PCBD2: variants seen among roughly 807,000 people sequenced by gnomAD.
The protein encoded by PCBD2 is pterin-4 alpha-carbinolamine dehydratase 2, also known as pterin-4-alpha-carbinolamine dehydratase 2.
In PCBD2, 12 loss-of-function variants were observed where a neutral mutation model predicts 16.4. The ratio of observed to expected loss-of-function variants is 0.73; its 90% CI spans 0.47 to 1.19. The LOEUF is 1.19. Among genes scored for constraint, PCBD2 ranks in the 50% most tolerant of loss-of-function variants. The pLI, the probability that PCBD2 is intolerant of heterozygous loss-of-function variation, is 0.00. For missense variants in PCBD2, 138 were observed against 156.8 expected (o/e 0.88, Z 0.64); for synonymous variants, 58 against 61.8 (o/e 0.94, Z 0.29).
intron 2 of PCBD2, chr5:134,927,249 A>AG: frequency 2.5e-6 from 1 of 398,516 alleles, no homozygotes; most frequent in Admixed American, 4.4e-5. Context: ...CAGGGATAGT[A>AG]CAAGGAAGGG....
intron 2 of PCBD2, among the ~76,000 whole-genome samples, chr5:134,933,888 G>T (rs1751126698): frequency 6.6e-6 from 1 of 152,192 alleles, no homozygotes; most frequent in Non-Finnish European, 1.5e-5. Context: ...GAAGGAAAAT[G>T]TTATGTTATA....
chr5:134,947,082 A>G (rs1174855005), intron 2 of PCBD2, among the ~76,000 whole-genome samples: 1 of 151,916 alleles, frequency 6.6e-6, no homozygotes, highest in Non-Finnish European at 1.5e-5. Flanking sequence ...TTTGCATGCT[A>G]TTAAAAAAAA....
chr5:134,940,554 A>G (rs951827615), intron 2 of PCBD2, among the ~76,000 whole-genome samples: 1 of 152,192 alleles, frequency 6.6e-6, no homozygotes, highest in African/African-American at 2.4e-5. Flanking sequence ...TGCTTGAGGT[A>G]AGATTAGGCA....
At chr5:134,926,259 G>C in intron 2 of PCBD2, 2 of 336,686 alleles carry the variant, frequency 5.9e-6, no homozygotes, top group Non-Finnish European at 1.1e-5. Flanking sequence ...TTGTTGCCCA[G>C]TGTCAGTTTG....
At chr5:134,924,881 C>T (rs567973789) in intron 2 of PCBD2, 181 of 389,702 alleles carry the variant, frequency 4.6e-4, no homozygotes, top group Non-Finnish European at 7.0e-4. Context: ...GGGTAAAATC[C>T]GAGTATATTA....
chr5:134,945,244 C>A (rs549781438), intron 2 of PCBD2, among the ~76,000 whole-genome samples: 42 of 152,250 alleles, frequency 2.8e-4, no homozygotes, highest in African/African-American at 1.0e-3. Flanking sequence ...CATGACTTTC[C>A]TCTGATGGGA....
chr5:134,944,325 T>C (rs538821144), intron 2 of PCBD2, among the ~76,000 whole-genome samples: 1 of 152,304 alleles, frequency 6.6e-6, no homozygotes, highest in South Asian at 2.1e-4. Flanking sequence ...ATGAACATGG[T>C]CAATGCCATA....
chr5:134,948,819 C>G (rs1481933449), intron 2 of PCBD2, among the ~76,000 whole-genome samples: 2 of 151,692 alleles, frequency 1.3e-5, no homozygotes, highest in Non-Finnish European at 2.9e-5. Context: ...AGGTGTTGAC[C>G]TGTTCAGTGA....
intron 2 of PCBD2, among the ~76,000 whole-genome samples, chr5:134,920,691 T>C (rs982401417): frequency 4.0e-5 from 6 of 151,868 alleles, no homozygotes; most frequent in African/African-American, 1.5e-4. Context: ...AGTCTCGCTC[T>C]GTCGGCTAGG....
At chr5:134,923,254 A>G (rs947228344) in intron 2 of PCBD2, 1 of 153,482 alleles carries the variant, frequency 6.5e-6, no homozygotes, top group Admixed American at 6.5e-5. Context: ...TGTGAGAGAG[A>G]ATAATGGGAA....
intron 2 of PCBD2, among the ~76,000 whole-genome samples, chr5:134,933,820 A>G (rs933659138): frequency 6.6e-6 from 1 of 152,158 alleles, no homozygotes; most frequent in Non-Finnish European, 1.5e-5. Flanking sequence ...CATCACCTAG[A>G]TAGAATTGAT....
intron 1 of PCBD2, chr5:134,905,504 G>T: frequency 3.1e-6 from 1 of 327,472 alleles, no homozygotes; most frequent in Non-Finnish European, 5.5e-6. Flanking sequence ...ATTTTGTTCA[G>T]CAACTACAAA....
chr5:134,907,463 G>A (rs895612170), intron 1 of PCBD2, among the ~76,000 whole-genome samples: 22 of 151,808 alleles, frequency 1.4e-4, no homozygotes, highest in Admixed American at 7.2e-4. Context: ...GGCTGGCCTC[G>A]AACTCCTGAC....
intron 1 of PCBD2, among the ~76,000 whole-genome samples, chr5:134,907,396 A>G (rs982139414): frequency 1.3e-5 from 2 of 152,056 alleles, no homozygotes; most frequent in African/African-American, 4.8e-5. Flanking sequence ...GGCGCGTGCC[A>G]CCACGCTTGG....
At chr5:134,924,983 C>T (rs760606075) in intron 2 of PCBD2, 3 of 392,770 alleles carry the variant, frequency 7.6e-6, no homozygotes, top group Admixed American at 4.4e-5. Context: ...AGGGAAGTGA[C>T]GCCTAGGGCT....
chr5:134,925,498 T>C, intron 2 of PCBD2: 1 of 398,508 alleles, frequency 2.5e-6, no homozygotes, highest in Non-Finnish European at 4.4e-6. Context: ...TAGGTGTGGT[T>C]GGTTGATGCC....
At chr5:134,920,889 C>A (rs1181447851) in intron 2 of PCBD2, among the ~76,000 whole-genome samples, 2 of 152,264 alleles carry the variant, frequency 1.3e-5, no homozygotes, top group African/African-American at 4.8e-5. Context: ...TGTACTTGAA[C>A]TCCTGAGCTC....
chr5:134,919,590 G>A (rs772982297), intron 2 of PCBD2, among the ~76,000 whole-genome samples: 1 of 152,156 alleles, frequency 6.6e-6, no homozygotes, highest in South Asian at 2.1e-4. Context: ...GGTCACAAAT[G>A]GGTTGCTTTA....
At position 134,906,439 on chromosome 5, in the gene PCBD2, C is replaced by T. The variant is rs185421679; in HGVS notation, c.84+1216C>T. 3.2e-4 allele frequency among the ~76,000 whole-genome samples: 49 copies of T among 151,398 alleles called. No homozygotes were observed. In the East Asian group the frequency reaches 9.0e-3, roughly 28 times the overall value. On this transcript the variant is annotated intron_variant, in intron 1 of 3. Coordinates refer to ENST00000254908, the MANE Select transcript of PCBD2 (RefSeq NM_032151.5). ...CAGGATGGTCTCGATCTCCTGACCT[C>T]GTCATCCACCCTCCTCGGCCTCCCA...
Sources: gnomAD v4.1 joint callset for allele counts (sites outside exome capture counted in the v4.1 genomes callset) on GRCh38, gnomAD v4.1.1 for gene constraint, MANE v1.5 for transcripts, NCBI Gene and HGNC (gene_info 2026-07-23, HGNC 2026-07-21) for gene names.